The following EDA variants were observed in gnomAD, a reference collection of about 807,000 sequenced individuals.
EDA encodes the protein ectodysplasin-A.
Under a neutral mutation model 23.6 loss-of-function variants are expected in EDA, and 2 were observed. The observed-to-expected ratio is 0.08, with a 90% confidence interval of 0.03 to 0.27. EDA has a LOEUF of 0.27. EDA is among the 10% of genes least tolerant of loss of function. The pLI is 1.00. For missense variants in EDA, 229 were observed against 324.2 expected (o/e 0.71, Z 2.26); for synonymous variants, 131 against 132.0 (o/e 0.99, Z 0.05).
Position 69,716,338 on chromosome X carries a change from T to C in EDA, c.396+99634T>C, listed in dbSNP as rs757865250. On this transcript the variant is annotated intron_variant, in intron 1 of 7. Transcript: ENST00000374552. ...TTGAATAGAGGGATTCCTTTCACCA[T>C]TGCTTGTTTTTGTTGACTTTGTCAA... is the stretch of plus-strand genomic sequence containing the variant. Among the ~76,000 whole-genome samples, 6 of 111,974 alleles carry C rather than the reference T, an allele frequency of 5.4e-5. No individual in the cohort carries two copies. The South Asian group carries it at 2.2e-3, about 41-fold the overall frequency.
In EDA at chrX:70,008,407, A is replaced by G. The variant is rs1448839485; in HGVS notation, c.503-14811A>G. Among the ~76,000 whole-genome samples the G allele has an allele frequency of 9.8e-5, 11 of 112,525 alleles. 1 individual carries two copies. In the Admixed American group the frequency reaches 1.0e-3, roughly 11 times the overall value. On this transcript the variant is annotated intron_variant, in intron 2 of 7. Coordinates refer to ENST00000374552, the MANE Select transcript of EDA (RefSeq NM_001399.5). ...CTTTTTTGGATCTATTGACATGATC[A>G]TATGATTCTTCTTTAACCTTTTGAT...
intron 1 of EDA, among the ~76,000 whole-genome samples, chrX:69,826,000 T>A (rs1235134188): frequency 9.3e-6 from 1 of 107,473 alleles, no homozygotes; most frequent in African/African-American, 3.4e-5. Context: ...TCCATGTAGT[T>A]GAGTGGTTTT....
At position 69,957,263 on chromosome X, in the gene EDA, G is replaced by A. The variant is rs192208203; in HGVS notation, c.502+131G>A. The A allele has an allele frequency of 3.0e-4, 177 of 585,386 alleles. No individual in the cohort carries two copies. The East Asian group carries it at 3.9e-3, about 13-fold the overall frequency. 48.2% of individuals were successfully genotyped at this position (585,386 alleles called of 1,213,427 possible). On this transcript the variant is annotated intron_variant, in intron 2 of 7. Transcript: ENST00000374552. ...TCCTAGCACTTTGGGAGGCCCACGCGGGCAGATCACTTGAGGTGAGGAATT... is the reference window on the plus strand; with the variant it reads ...TCCTAGCACTTTGGGAGGCCCACGCAGGCAGATCACTTGAGGTGAGGAATT...
chrX:69,872,980 G>A (rs2017589681), intron 1 of EDA, among the ~76,000 whole-genome samples: 1 of 111,118 alleles, frequency 9.0e-6, no homozygotes, highest in Non-Finnish European at 1.9e-5. Context: ...CATTCTCCAA[G>A]ATAGACCATA....
intron 2 of EDA, among the ~76,000 whole-genome samples, chrX:70,010,990 A>T (rs912300939): frequency 2.7e-5 from 3 of 112,026 alleles, no homozygotes; most frequent in Non-Finnish European, 5.6e-5. Flanking sequence ...TTGGGGACGC[A>T]GCCAAACTAT....
chrX:69,723,848 A>G (rs1315429662), intron 1 of EDA, among the ~76,000 whole-genome samples: 1 of 110,436 alleles, frequency 9.1e-6, no homozygotes, highest in African/African-American at 3.3e-5. Flanking sequence ...GCTTTCTTTC[A>G]CCTATTATTT....
chrX:69,933,344 T>G (rs1438121530), intron 1 of EDA, among the ~76,000 whole-genome samples: 1 of 112,069 alleles, frequency 8.9e-6, no homozygotes, highest in African/African-American at 3.2e-5. Context: ...TACCTTTATT[T>G]TTTCTTGCAT....
rs996531314 is a variant in EDA at position 69,683,218 on chromosome X, T to C, written c.396+66514T>C. On this transcript the variant is annotated intron_variant, in intron 1 of 7. Coordinates refer to ENST00000374552, the MANE Select transcript of EDA (RefSeq NM_001399.5). Reference sequence around the variant, plus strand: ...GTTGTTATTATCGTTACTATTCTTATTGTCTCTTTCTCTCCCCACTGTAAT... The same window carrying C: ...GTTGTTATTATCGTTACTATTCTTACTGTCTCTTTCTCTCCCCACTGTAAT... 2.7e-5 allele frequency among the ~76,000 whole-genome samples: 3 copies of C among 111,641 alleles called. No homozygotes were observed. The South Asian group carries it at 1.1e-3, about 42-fold the overall frequency.
chrX:70,003,386 T>C (rs976095477), intron 2 of EDA, among the ~76,000 whole-genome samples: 1 of 111,995 alleles, frequency 8.9e-6, no homozygotes, highest in Non-Finnish European at 1.9e-5. Flanking sequence ...GTGATGATGA[T>C]AGCTGCTATT....
At chrX:70,006,573 T>A (rs1041724751) in intron 2 of EDA, among the ~76,000 whole-genome samples, 3 of 112,032 alleles carry the variant, frequency 2.7e-5, no homozygotes, top group African/African-American at 9.7e-5. Context: ...GGATCATTTT[T>A]TTCTGATTTT....
At chrX:69,745,102 A>G (rs2013577840) in intron 1 of EDA, among the ~76,000 whole-genome samples, 1 of 112,023 alleles carries the variant, frequency 8.9e-6, no homozygotes, top group African/African-American at 3.2e-5. Context: ...TTACATCACA[A>G]TTCATCTGGA....
chrX:69,712,600 T>G (rs1260949655), intron 1 of EDA, among the ~76,000 whole-genome samples: 1 of 111,503 alleles, frequency 9.0e-6, no homozygotes, highest in African/African-American at 3.3e-5. Context: ...GGAACACTTT[T>G]ACACTGTTGG....
At chrX:69,646,508 C>CT (rs1932931096) in intron 1 of EDA, among the ~76,000 whole-genome samples, 1 of 111,672 alleles carries the variant, frequency 9.0e-6, no homozygotes, top group Non-Finnish European at 1.9e-5. Flanking sequence ...GCAACCCCTG[C>CT]TTTTTTCTGT....
intron 1 of EDA, among the ~76,000 whole-genome samples, chrX:69,642,037 G>A (rs1932845523): frequency 8.9e-6 from 1 of 111,865 alleles, no homozygotes; most frequent in Admixed American, 9.5e-5. Flanking sequence ...AGTGTTAGCT[G>A]CTGTGTTTGT....
At chrX:69,752,516 AG>A (rs1442567160) in intron 1 of EDA, among the ~76,000 whole-genome samples, 6 of 111,925 alleles carry the variant, frequency 5.4e-5, no homozygotes, top group Non-Finnish European at 1.1e-4. Context: ...GATGTTCATC[AG>A]GGATATTTGT....
chrX:69,736,774 C>CTTTT (rs3047817), intron 1 of EDA, among the ~76,000 whole-genome samples: 7 of 89,403 alleles, frequency 7.8e-5, no homozygotes, highest in South Asian at 5.9e-4. Context: ...CTTACTCCAA[C>CTTTT]TTTTTTTTTT....
intron 1 of EDA, among the ~76,000 whole-genome samples, chrX:69,635,936 G>A (rs142440957): frequency 0.14 from 14,823 of 108,926 alleles, 843 homozygotes; most frequent in Non-Finnish European, 0.18. Flanking sequence ...CAACTTGAGT[G>A]TCACCTACTC....
At chrX:69,636,359 T>A (rs1057397250) in intron 1 of EDA, among the ~76,000 whole-genome samples, 1 of 110,597 alleles carries the variant, frequency 9.0e-6, no homozygotes, top group African/African-American at 3.3e-5. Flanking sequence ...CAGATGTAGG[T>A]ACCATGCTTG....
At chrX:69,888,978 T>TAGATAGATATATATATATATA (rs1556026049) in intron 1 of EDA, among the ~76,000 whole-genome samples, 15 of 16,013 alleles carry the variant, frequency 9.4e-4, no homozygotes, top group Admixed American at 1.4e-3. Flanking sequence ...TGTGGGGTAG[T>TAGATAGATATATATATATATA]TATATATATA....
Sources: gnomAD v4.1 joint callset for allele counts (sites outside exome capture counted in the v4.1 genomes callset) on GRCh38, gnomAD v4.1.1 for gene constraint, MANE v1.5 for transcripts, NCBI Gene and HGNC (gene_info 2026-07-23, HGNC 2026-07-21) for gene names.